Variants in SRPK2 observed in about 807,000 individuals in gnomAD.
SRPK2 encodes SRSF protein kinase 2.
In SRPK2, 21 loss-of-function variants were observed where a neutral mutation model predicts 90.8. That is an observed-to-expected ratio of 0.23 (90% CI 0.16 to 0.33). SRPK2 has a LOEUF of 0.33. Among genes scored for constraint, SRPK2 ranks in the 10% least tolerant of loss-of-function variants. SRPK2 has a pLI of 1.00. For missense variants in SRPK2, 620 were observed against 869.0 expected, an observed-to-expected ratio of 0.71 and a Z score of 3.60; for synonymous variants, 288 against 311.1, an observed-to-expected ratio of 0.93 and a Z score of 0.78.
intron 2 of SRPK2, among the ~76,000 whole-genome samples, chr7:105,261,036 A>C (rs919696413): frequency 4.0e-5 from 6 of 151,816 alleles, no homozygotes; most frequent in Middle Eastern, 3.4e-3. Context: ...AAAAAAAAAA[A>C]AAAAAACAGT....
intron 7 of SRPK2, among the ~76,000 whole-genome samples, chr7:105,151,816 G>C (rs1039862008): frequency 1.3e-5 from 2 of 152,054 alleles, no homozygotes; most frequent in African/African-American, 2.4e-5. Flanking sequence ...CTGAGGTCTG[G>C]AGTTCAAGAC....
chr7:105,192,839 T>C (rs567844320), intron 3 of SRPK2, among the ~76,000 whole-genome samples: 9 of 152,368 alleles, frequency 5.9e-5, no homozygotes, highest in Non-Finnish European at 1.2e-4. Context: ...GCCATCTGTA[T>C]ATCTTCTTTG....
At chr7:105,263,809 T>C (rs534497375) in intron 2 of SRPK2, among the ~76,000 whole-genome samples, 1 of 152,278 alleles carries the variant, frequency 6.6e-6, no homozygotes, top group Admixed American at 6.5e-5. Context: ...CATAAAGATC[T>C]ATGATCTGGG....
intron 6 of SRPK2, among the ~76,000 whole-genome samples, chr7:105,166,390 G>A (rs1398224682): frequency 1.3e-5 from 2 of 152,208 alleles, no homozygotes; most frequent in Admixed American, 6.5e-5. Context: ...TCAAGAACCC[G>A]TTAATGTCTT....
chr7:105,170,798 A>AAGGAAGGAAGGAAGGAC (rs1563024544), intron 3 of SRPK2, among the ~76,000 whole-genome samples: 2 of 85,884 alleles, frequency 2.3e-5, no homozygotes, highest in African/African-American at 4.4e-5. Flanking sequence ...GGAGGGAGGG[A>AAGGAAGGAAGGAAGGAC]GGGAGGGAGA....
chr7:105,298,064 T>C lies in SRPK2; in HGVS notation c.71+90584A>G, dbSNP rs76266201. The stretch of plus-strand genomic sequence containing the variant: ...CTGTAATTTTTATATACAGTAATAT[T>C]CATCTTTTTCATGTTCAGCTGGGTA... On this transcript the variant is annotated intron_variant, in intron 2 of 15. Coordinates refer to ENST00000393651, the MANE Select transcript of SRPK2 (RefSeq NM_182692.3). Among the ~76,000 whole-genome samples the C allele has an allele frequency of 2.8e-3, 428 of 152,240 alleles. 11 individuals are homozygous for C. The East Asian group carries it at 0.055, about 20-fold the overall frequency.
chr7:105,338,574 G>T (rs1815393768), intron 2 of SRPK2, among the ~76,000 whole-genome samples: 2 of 152,152 alleles, frequency 1.3e-5, no homozygotes, highest in African/African-American at 4.8e-5. Flanking sequence ...AAGATAATAT[G>T]AAAGTCCAAC....
At position 105,300,402 on chromosome 7, in the gene SRPK2, A is replaced by C. The variant is rs73409847; in HGVS notation, c.71+88246T>G. ...TCAACACAAACACAAATGTGACTAT[A>C]AAACAAAACTGATTTTCTGCCACGA... is the stretch of plus-strand genomic sequence containing the variant. On this transcript the variant is annotated intron_variant, in intron 2 of 15. Coordinates refer to ENST00000393651, the MANE Select transcript of SRPK2 (RefSeq NM_182692.3). 3.2e-3 allele frequency among the ~76,000 whole-genome samples: 491 copies of C among 152,308 alleles called. 2 individuals are homozygous for C. The highest frequency in any genetic ancestry group is 0.011 in the African/African-American group (470 of 41,566).
intron 2 of SRPK2, among the ~76,000 whole-genome samples, chr7:105,285,725 G>T (rs1045129094): frequency 1.3e-5 from 2 of 152,074 alleles, no homozygotes; most frequent in Non-Finnish European, 2.9e-5. Context: ...CTCTTACCAC[G>T]CAACCCATCT....
chr7:105,358,994 C>T (rs1415378508), intron 2 of SRPK2, among the ~76,000 whole-genome samples: 1 of 151,742 alleles, frequency 6.6e-6, no homozygotes, highest in African/African-American at 2.4e-5. Context: ...AACCAGTTCT[C>T]TGGAAACTAA....
chr7:105,216,323 C>A (rs1797457975), intron 2 of SRPK2, among the ~76,000 whole-genome samples: 1 of 152,052 alleles, frequency 6.6e-6, no homozygotes, highest in East Asian at 1.9e-4. Context: ...ATCCTAAGCA[C>A]TGGATGGAGC....
At chr7:105,339,876 G>A (rs575385826) in intron 2 of SRPK2, among the ~76,000 whole-genome samples, 2 of 152,134 alleles carry the variant, frequency 1.3e-5, no homozygotes, top group East Asian at 1.9e-4. Flanking sequence ...TGGCCAACAT[G>A]GTGAAACCCC....
chr7:105,190,810 C>G (rs1162818465), intron 3 of SRPK2, among the ~76,000 whole-genome samples: 2 of 152,212 alleles, frequency 1.3e-5, no homozygotes, highest in Non-Finnish European at 2.9e-5. Flanking sequence ...ATTCATATTT[C>G]TAACCACCTT....
rs1584964698 is a variant in SRPK2, at chr7:105,151,472, G to A, written c.622-4814C>T. Among the ~76,000 whole-genome samples the A allele has an allele frequency of 5.3e-5, 8 of 152,200 alleles. No homozygotes were observed. The South Asian group carries it at 1.7e-3, about 32-fold the overall frequency. On this transcript the variant is annotated intron_variant, in intron 7 of 15. Transcript: ENST00000393651. ...ACACAAGAAACTTAAATGGTAAAAC[G>A]TATCTAAGTCAGAAGACTTGTACTG...
chr7:105,174,556 C>A (rs1229492095), intron 3 of SRPK2, among the ~76,000 whole-genome samples: 1 of 151,926 alleles, frequency 6.6e-6, no homozygotes, highest in Admixed American at 6.6e-5. Flanking sequence ...CCCCAACACA[C>A]ACAATGATTA....
At chr7:105,294,447 T>C (rs995948784) in intron 2 of SRPK2, among the ~76,000 whole-genome samples, 5 of 152,214 alleles carry the variant, frequency 3.3e-5, no homozygotes, top group Admixed American at 1.3e-4. Flanking sequence ...AAGGCTACCA[T>C]CCCTTGTGAG....
chr7:105,255,950 C>CGA (rs1803232418), intron 2 of SRPK2, among the ~76,000 whole-genome samples: 1 of 150,278 alleles, frequency 6.7e-6, no homozygotes, highest in Non-Finnish European at 1.5e-5. Context: ...AGAGAGAGAG[C>CGA]GAGAACAAGA....
chr7:105,198,907 A>G (rs764346595), intron 3 of SRPK2, among the ~76,000 whole-genome samples: 1 of 152,236 alleles, frequency 6.6e-6, no homozygotes, highest in Non-Finnish European at 1.5e-5. Context: ...CTCAGGAATC[A>G]GTCAATAATG....
At chr7:105,348,126 G>C (rs960600897) in intron 2 of SRPK2, among the ~76,000 whole-genome samples, 1 of 131,684 alleles carries the variant, frequency 7.6e-6, no homozygotes, top group Non-Finnish European at 1.5e-5. Flanking sequence ...CCCCAGGCTG[G>C]AGTGCAATGG....
Sources: allele counts gnomAD v4.1 joint callset (sites outside exome capture counted in the v4.1 genomes callset), GRCh38; gene constraint gnomAD v4.1.1; transcripts MANE v1.5; gene names NCBI Gene and HGNC (gene_info 2026-07-23, HGNC 2026-07-21).